The following ATE1 variants were observed in gnomAD, a reference collection of about 807,000 sequenced individuals.
ATE1 encodes the protein arginyl-tRNA--protein transferase 1.
A neutral mutation model predicts 70.5 loss-of-function variants in ATE1; 36 were observed. The observed-to-expected ratio is 0.51, with a 90% CI of 0.39 to 0.67. The LOEUF is 0.67. Ranked by LOEUF, ATE1 falls within the 30% of genes least tolerant of loss-of-function variation. The pLI is 0.00. For missense variants in ATE1, 593 were observed against 629.5 expected, an observed-to-expected ratio of 0.94 and a Z score of 0.62; for synonymous variants, 232 against 219.3, an observed-to-expected ratio of 1.06 and a Z score of -0.51.
At chr10:121,808,214 G>C (rs1026974387) in intron 10 of ATE1, among the ~76,000 whole-genome samples, 41 of 152,158 alleles carry the variant, frequency 2.7e-4, no homozygotes, top group African/African-American at 9.9e-4. Context: ...ATATAAAACA[G>C]CCATGTTTTT....
intron 10 of ATE1, among the ~76,000 whole-genome samples, chr10:121,804,984 G>C (rs1947039381): frequency 6.6e-6 from 1 of 152,148 alleles, no homozygotes; most frequent in Non-Finnish European, 1.5e-5. Context: ...GTGAGCAACA[G>C]ATATGAAAAT....
intron 1 of ATE1, chr10:121,927,003 A>C: frequency 3.0e-6 from 3 of 985,444 alleles, no homozygotes; most frequent in Non-Finnish European, 3.6e-6. Flanking sequence ...CACCTTTTTC[A>C]TGGAAAATGC....
intron 10 of ATE1, among the ~76,000 whole-genome samples, chr10:121,791,040 GTATA>G (rs1197416606): frequency 6.9e-6 from 1 of 144,976 alleles, no homozygotes; most frequent in Non-Finnish European, 1.5e-5. Context: ...GTATATATGT[GTATA>G]TATATGTATA....
chr10:121,752,544 T>C (rs1029682933), intron 11 of ATE1, among the ~76,000 whole-genome samples: 6 of 152,186 alleles, frequency 3.9e-5, no homozygotes. Context: ...ACGAATTTTA[T>C]AGTTTTAGCT....
At chr10:121,763,579 G>T (rs1299355071) in intron 11 of ATE1, among the ~76,000 whole-genome samples, 1 of 152,152 alleles carries the variant, frequency 6.6e-6, no homozygotes, top group East Asian at 1.9e-4. Flanking sequence ...AAGAATCAGG[G>T]GTTGCCAGAG....
chr10:121,754,983 C>A (rs971429507), intron 11 of ATE1, among the ~76,000 whole-genome samples: 1 of 152,082 alleles, frequency 6.6e-6, no homozygotes, highest in Non-Finnish European at 1.5e-5. Flanking sequence ...TGAAAAACTA[C>A]AAAGTGACTG....
intron 8 of ATE1, among the ~76,000 whole-genome samples, chr10:121,858,031 T>C (rs1428225390): frequency 6.6e-6 from 1 of 152,226 alleles, no homozygotes; most frequent in Non-Finnish European, 1.5e-5. Flanking sequence ...CCCTCCTTTT[T>C]AAGGCTGAAT....
chr10:121,878,217 T>A (rs1032759342), intron 7 of ATE1, among the ~76,000 whole-genome samples: 2 of 152,166 alleles, frequency 1.3e-5, no homozygotes, highest in Admixed American at 1.3e-4. Context: ...AAATACTGAC[T>A]GGGAAGGGCC....
chr10:121,891,698 AC>A (rs1439578848), intron 7 of ATE1, among the ~76,000 whole-genome samples: 2 of 152,190 alleles, frequency 1.3e-5, no homozygotes, highest in Non-Finnish European at 2.9e-5. Flanking sequence ...TCAAAAAATA[AC>A]CTATTTTTCA....
intron 10 of ATE1, among the ~76,000 whole-genome samples, chr10:121,827,668 G>C (rs1948080916): frequency 6.6e-6 from 1 of 152,198 alleles, no homozygotes; most frequent in Admixed American, 6.5e-5. Flanking sequence ...CACAACATTT[G>C]AAGACAATTT....
chr10:121,875,292 T>C lies in ATE1; in HGVS notation c.943-5254A>G, dbSNP rs189963056. On this transcript the variant is annotated intron_variant, in intron 7 of 11. Coordinates refer to ENST00000224652, the MANE Select transcript of ATE1 (RefSeq NM_001001976.3). ...AAGTAATTTGGGCCTTGAGGGTTTTTTTTTGGTTTTTTTTTGTTTTTTTTT... is the reference window on the plus strand; with the variant it reads ...AAGTAATTTGGGCCTTGAGGGTTTTCTTTTGGTTTTTTTTTGTTTTTTTTT... 4.5e-4 allele frequency among the ~76,000 whole-genome samples: 58 copies of C among 127,660 alleles called. 1 individual carries two copies. The highest frequency in any genetic ancestry group is 2.2e-3 in the East Asian group (9 of 4,076). The allele number at this position is 127,660 out of a possible 152,430, so 83.7% of individuals were successfully genotyped here. A position where few individuals can be genotyped will look rare whatever the true frequency, so the allele number is the denominator to read the frequency against.
At chr10:121,782,261 C>T (rs1946024864) in intron 11 of ATE1, among the ~76,000 whole-genome samples, 1 of 152,128 alleles carries the variant, frequency 6.6e-6, no homozygotes, top group African/African-American at 2.4e-5. Context: ...AAGAATTTTT[C>T]TCAGTTAAGC....
chr10:121,858,569 C>T (rs184427828), intron 8 of ATE1, among the ~76,000 whole-genome samples: 159 of 149,036 alleles, frequency 1.1e-3, no homozygotes, highest in African/African-American at 3.7e-3. Context: ...TAGTTTCTAA[C>T]TAGGAACAAA....
chr10:121,846,415 C>CT (rs1203326376), intron 8 of ATE1, among the ~76,000 whole-genome samples: 1 of 152,166 alleles, frequency 6.6e-6, no homozygotes, highest in Admixed American at 6.5e-5. Context: ...GGGAGCATAA[C>CT]TCCCTACTAC....
chr10:121,798,526 C>T (rs1464941349), intron 10 of ATE1, among the ~76,000 whole-genome samples: 1 of 152,204 alleles, frequency 6.6e-6, no homozygotes, highest in Non-Finnish European at 1.5e-5. Flanking sequence ...ATAATTACTT[C>T]TCTCTGTATT....
intron 8 of ATE1, among the ~76,000 whole-genome samples, chr10:121,855,161 C>T (rs4751858): frequency 0.3 from 44,920 of 152,128 alleles, 7,178 homozygotes; most frequent in South Asian, 0.43. Context: ...GGCCCCCTCT[C>T]TGCTGTGGAC....
intron 8 of ATE1, among the ~76,000 whole-genome samples, chr10:121,864,259 A>T (rs1160442727): frequency 6.6e-6 from 1 of 152,194 alleles, no homozygotes; most frequent in Admixed American, 6.5e-5. Flanking sequence ...ATAGGGATGA[A>T]ACTGTTCCAA....
chr10:121,896,823 CAAAAAAAAAAAAA>C (rs869156572), intron 7 of ATE1, among the ~76,000 whole-genome samples: 34 of 28,346 alleles, frequency 1.2e-3, no homozygotes, highest in African/African-American at 4.4e-3. Context: ...GACTTTGTCT[CAAAAAAAAAAAAA>C]AAAAAAAAAA....
chr10:121,906,388 G>A (rs1399086119), intron 5 of ATE1, among the ~76,000 whole-genome samples: 4 of 152,092 alleles, frequency 2.6e-5, no homozygotes, highest in Non-Finnish European at 1.5e-5. Flanking sequence ...AATTAGCCAG[G>A]TGTAGTGACG....
Sources: allele counts gnomAD v4.1 joint callset (sites outside exome capture counted in the v4.1 genomes callset), GRCh38; gene constraint gnomAD v4.1.1; transcripts MANE v1.5; gene names NCBI Gene and HGNC (gene_info 2026-07-23, HGNC 2026-07-21).